Variants in FILIP1L observed in about 807,000 individuals in gnomAD.
The protein encoded by FILIP1L is filamin A interacting protein 1 like.
Under a neutral mutation model 96.6 loss-of-function variants are expected in FILIP1L, and 55 were observed. That is an observed-to-expected ratio of 0.57 (90% CI 0.46 to 0.71). The LOEUF (loss-of-function observed/expected upper bound fraction) is 0.71. FILIP1L is among the 30% of genes least tolerant of loss of function. The probability of loss-of-function intolerance (pLI) is 0.00; values close to 1 mark genes in which losing one functional copy is unlikely to be tolerated. For synonymous variants in FILIP1L, 467 were observed against 473.9 expected, an observed-to-expected ratio of 0.99 and a Z score of 0.19; for missense variants, 1,304 against 1,321.2, an observed-to-expected ratio of 0.99 and a Z score of 0.20.
intron 1 of FILIP1L, among the ~76,000 whole-genome samples, chr3:100,032,310 G>A (rs888964213): frequency 2.0e-5 from 3 of 152,174 alleles, no homozygotes; most frequent in Non-Finnish European, 2.9e-5. Flanking sequence ...TTCCAGATTG[G>A]TTATTTTGAT....
chr3:99,970,886 GA>G (rs1708793841), intron 1 of FILIP1L, among the ~76,000 whole-genome samples: 1 of 152,202 alleles, frequency 6.6e-6, no homozygotes, highest in Non-Finnish European at 1.5e-5. Context: ...CAATTAAAGG[GA>G]AAAAGACTAG....
intron 1 of FILIP1L, among the ~76,000 whole-genome samples, chr3:100,054,503 T>C (rs2065429072): frequency 6.7e-6 from 1 of 149,298 alleles, no homozygotes; most frequent in Non-Finnish European, 1.5e-5. Flanking sequence ...TTATGTTATG[T>C]TATGTTATGT....
In FILIP1L at chr3:99,830,444, GT is replaced by G. The variant is rs1024805940; in HGVS notation, c.3542del (p.Asn1181ThrfsTer34). On this transcript the variant is annotated frameshift_variant, in exon 6 of 6. Transcript: ENST00000477258. LOFTEE classifies it high-confidence loss of function. ...TTCTCCCTCCCACGTGGAGGAAGGTGTTGGAGGTGACAGTTCTCACGATGTG... is the reference window on the plus strand; with the variant it reads ...TTCTCCCTCCCACGTGGAGGAAGGTGTGGAGGTGACAGTTCTCACGATGTG... ...KLHIVRTVTS[N>X]TFLHVGGRR 45 of 455,066 alleles carry G rather than the reference GT, an allele frequency of 9.9e-5. No homozygotes were observed. The highest frequency in any genetic ancestry group is 1.6e-4 in the Non-Finnish European group (37 of 225,774). The allele number at this position is 455,066 out of a possible 1,614,324, so 28.2% of individuals were successfully genotyped here. A position where few individuals can be genotyped will look rare whatever the true frequency, so the allele number is the denominator to read the frequency against.
intron 3 of FILIP1L, among the ~76,000 whole-genome samples, chr3:99,929,489 C>G (rs1326707733): frequency 4.6e-5 from 7 of 151,484 alleles, no homozygotes; most frequent in Admixed American, 3.9e-4. Flanking sequence ...TTTATTACAG[C>G]CTGGGTACCC....
chr3:99,873,871 C>G (rs1278734925), intron 4 of FILIP1L, among the ~76,000 whole-genome samples: 1 of 152,158 alleles, frequency 6.6e-6, no homozygotes. Context: ...TTAATCACCA[C>G]AAAAGTGCAA....
chr3:100,060,854 C>T (rs1249117323), intron 1 of FILIP1L, among the ~76,000 whole-genome samples: 1 of 152,030 alleles, frequency 6.6e-6, no homozygotes, highest in Non-Finnish European at 1.5e-5. Context: ...AGAGCCAGAT[C>T]TTGTCTCGAA....
intron 1 of FILIP1L, among the ~76,000 whole-genome samples, chr3:99,950,311 A>C (rs572324494): frequency 6.6e-6 from 1 of 152,206 alleles, no homozygotes; most frequent in Admixed American, 6.5e-5. Context: ...AAATGTTAGA[A>C]ATTTTTACAG....
intron 1 of FILIP1L, among the ~76,000 whole-genome samples, chr3:100,103,975 GT>G (rs1448600487): frequency 3.3e-5 from 5 of 152,172 alleles, no homozygotes; most frequent in African/African-American, 1.2e-4. Flanking sequence ...TAACTCAGAG[GT>G]TTTCAGTTAG....
intron 4 of FILIP1L, among the ~76,000 whole-genome samples, chr3:99,862,100 G>T (rs1332855471): frequency 6.6e-6 from 1 of 152,158 alleles, no homozygotes; most frequent in African/African-American, 2.4e-5. Context: ...ACAAAAAAAT[G>T]ATAAGTATGT....
chr3:100,063,344 C>T (rs1174859196), intron 1 of FILIP1L, among the ~76,000 whole-genome samples: 1 of 152,004 alleles, frequency 6.6e-6, no homozygotes, highest in Non-Finnish European at 1.5e-5. Context: ...TGATCTCAAC[C>T]AACCATTAAA....
intron 4 of FILIP1L, among the ~76,000 whole-genome samples, chr3:99,887,902 T>G (rs1161530986): frequency 6.6e-6 from 1 of 151,972 alleles, no homozygotes; most frequent in Non-Finnish European, 1.5e-5. Context: ...CCACCACACC[T>G]GGCTAATTTT....
intron 1 of FILIP1L, among the ~76,000 whole-genome samples, chr3:100,109,106 A>T (rs1202777730): frequency 6.7e-6 from 1 of 150,114 alleles, no homozygotes; most frequent in African/African-American, 2.4e-5. Flanking sequence ...AAAAAAGCAT[A>T]TTTCTCTGCC....
intron 1 of FILIP1L, among the ~76,000 whole-genome samples, chr3:99,957,681 TTTTC>T (rs1553700126): frequency 2.1e-5 from 3 of 143,206 alleles, no homozygotes; most frequent in Non-Finnish European, 4.6e-5. Flanking sequence ...TCCTTTTCTC[TTTTC>T]TTTCTTTCTT....
intron 1 of FILIP1L, among the ~76,000 whole-genome samples, chr3:100,101,684 T>C (rs930506454): frequency 6.6e-6 from 1 of 152,164 alleles, no homozygotes; most frequent in Non-Finnish European, 1.5e-5. Flanking sequence ...GTTAGTTACA[T>C]ATGTATACAT....
At chr3:99,912,498 C>T (rs1297852434) in intron 4 of FILIP1L, among the ~76,000 whole-genome samples, 2 of 152,164 alleles carry the variant, frequency 1.3e-5, no homozygotes, top group African/African-American at 2.4e-5. Flanking sequence ...CTACCTCAGC[C>T]GCCCAGGTAG....
chr3:99,947,234 G>A (rs776162608), intron 1 of FILIP1L, among the ~76,000 whole-genome samples: 6 of 151,266 alleles, frequency 4.0e-5, no homozygotes, highest in African/African-American at 7.3e-5. Context: ...ATTCAACCAC[G>A]CAGAGATTTA....
At chr3:100,026,485 T>C (rs2064924712) in intron 1 of FILIP1L, among the ~76,000 whole-genome samples, 1 of 152,078 alleles carries the variant, frequency 6.6e-6, no homozygotes, top group African/African-American at 2.4e-5. Context: ...ATGTGAAAAA[T>C]GCAGTTATGT....
At chr3:100,039,375 ATCTATGATTATATTTC>A (rs2107284964) in intron 1 of FILIP1L, among the ~76,000 whole-genome samples, 1 of 152,346 alleles carries the variant, frequency 6.6e-6, no homozygotes, top group East Asian at 1.9e-4. Flanking sequence ...ATGAAATATA[ATCTATGATTATATTTC>A]ACAGTATGTA....
At chr3:99,990,764 A>G (rs1451829296) in intron 1 of FILIP1L, among the ~76,000 whole-genome samples, 2 of 152,176 alleles carry the variant, frequency 1.3e-5, no homozygotes, top group African/African-American at 2.4e-5. Flanking sequence ...AAGAAAAAAA[A>G]TTTACCTATA....
Sources: gnomAD v4.1 joint callset for allele counts (sites outside exome capture counted in the v4.1 genomes callset) on GRCh38, gnomAD v4.1.1 for gene constraint, MANE v1.5 for transcripts, NCBI Gene and HGNC (gene_info 2026-07-23, HGNC 2026-07-21) for gene names.